Variants in PLCB1 observed in about 807,000 individuals in gnomAD.
PLCB1 encodes the protein 1-phosphatidylinositol 4,5-bisphosphate phosphodiesterase beta-1.
Under a neutral mutation model 161.8 loss-of-function variants are expected in PLCB1, and 46 were observed. That is an observed-to-expected ratio of 0.28 (90% CI 0.22 to 0.36). PLCB1 has a LOEUF of 0.36. PLCB1 is among the 10% of genes least tolerant of loss of function. The pLI is 1.00. For missense variants in PLCB1, 1,016 were observed against 1,472.5 expected (o/e 0.69, Z 5.07); for synonymous variants, 517 against 503.7 (o/e 1.03, Z -0.35).
intron 31 of PLCB1, among the ~76,000 whole-genome samples, chr20:8,826,464 C>T (rs1405007181): frequency 6.7e-6 from 1 of 150,032 alleles, no homozygotes; most frequent in African/African-American, 2.5e-5. Flanking sequence ...CCACTGCACT[C>T]CAGCCTGGGC....
At chr20:8,432,182 A>T (rs2017542239) in intron 3 of PLCB1, among the ~76,000 whole-genome samples, 1 of 152,114 alleles carries the variant, frequency 6.6e-6, no homozygotes, top group Non-Finnish European at 1.5e-5. Context: ...TTATTGGGTG[A>T]AAGAGGGAAA....
chr20:8,561,246 T>G (rs1486719751), intron 3 of PLCB1, among the ~76,000 whole-genome samples: 3 of 151,986 alleles, frequency 2.0e-5, no homozygotes, highest in Non-Finnish European at 4.4e-5. Flanking sequence ...CACTTTCTAG[T>G]CTAAAGGAAT....
intron 3 of PLCB1, among the ~76,000 whole-genome samples, chr20:8,445,298 T>G (rs1980770165): frequency 6.6e-6 from 1 of 152,226 alleles, no homozygotes; most frequent in Admixed American, 6.5e-5. Flanking sequence ...GTTTATTAAA[T>G]AGGGAATCTT....
chr20:8,507,294 A>G (rs906675835), intron 3 of PLCB1, among the ~76,000 whole-genome samples: 5 of 152,138 alleles, frequency 3.3e-5, no homozygotes, highest in African/African-American at 9.7e-5. Flanking sequence ...ATATAAGTTA[A>G]TCTTGCAACT....
intron 13 of PLCB1, among the ~76,000 whole-genome samples, chr20:8,717,430 T>C (rs1979380557): frequency 6.6e-6 from 1 of 152,168 alleles, no homozygotes; most frequent in Non-Finnish European, 1.5e-5. Flanking sequence ...AATCTACCAG[T>C]ACATTTCTAT....
At chr20:8,147,031 C>T (rs184992253) in intron 1 of PLCB1, among the ~76,000 whole-genome samples, 1 of 152,132 alleles carries the variant, frequency 6.6e-6, no homozygotes, top group Non-Finnish European at 1.5e-5. Flanking sequence ...GGTTTGCCTG[C>T]ATTCTAAGGT....
At position 8,883,956 on chromosome 20, in the gene PLCB1, AACT is replaced by A. The variant is rs1988086322; in HGVS notation, c.*2109_*2111del. 1 of 152,532 alleles carries A rather than the reference AACT, an allele frequency of 6.6e-6. No homozygotes were observed. Among genetic ancestry groups the A allele is most frequent in the Non-Finnish European group, 1.5e-5 (1 of 67,986 alleles). The allele number at this position is 152,532 out of a possible 1,614,324, so 9.4% of individuals were successfully genotyped here. A position where few individuals can be genotyped will look rare whatever the true frequency, so the allele number is the denominator to read the frequency against. On this transcript the variant is annotated 3_prime_UTR_variant, in exon 32 of 32. Transcript: ENST00000338037. ...GACTGTCTGAAATTGAAGAAGAATG[AACT>A]AATAATAGCATTCATAACCAAACAC... is the stretch of plus-strand genomic sequence containing the variant.
intron 2 of PLCB1, among the ~76,000 whole-genome samples, chr20:8,172,404 A>T (rs886252957): frequency 6.6e-6 from 1 of 152,146 alleles, no homozygotes; most frequent in African/African-American, 2.4e-5. Flanking sequence ...GAATTGGTAA[A>T]TGTGAAGGTA....
chr20:8,718,416 G>A (rs959539421), intron 14 of PLCB1, among the ~76,000 whole-genome samples: 87 of 152,272 alleles, frequency 5.7e-4, no homozygotes, highest in African/African-American at 1.9e-3. Context: ...GGTGTCAGCC[G>A]GGCTGTGTTC....
intron 2 of PLCB1, among the ~76,000 whole-genome samples, chr20:8,274,252 A>T (rs966936612): frequency 2.6e-5 from 4 of 152,194 alleles, no homozygotes; most frequent in African/African-American, 9.6e-5. Context: ...ACCCAGAAAC[A>T]ACCATTATTT....
At chr20:8,781,017 T>C (rs1276374516) in intron 27 of PLCB1, among the ~76,000 whole-genome samples, 1 of 152,238 alleles carries the variant, frequency 6.6e-6, no homozygotes, top group East Asian at 1.9e-4. Flanking sequence ...TGCTACAGCT[T>C]GAGGGAACTC....
At chr20:8,605,639 G>A (rs1987735994) in intron 3 of PLCB1, among the ~76,000 whole-genome samples, 2 of 139,386 alleles carry the variant, frequency 1.4e-5, no homozygotes, top group Admixed American at 7.3e-5. Context: ...AAAGAAAAAA[G>A]CTCTCATTCT....
At chr20:8,786,469 G>A (rs1317368749) in intron 27 of PLCB1, among the ~76,000 whole-genome samples, 1 of 152,116 alleles carries the variant, frequency 6.6e-6, no homozygotes, top group East Asian at 1.9e-4. Context: ...CAAATTTCAT[G>A]ATAATTTTAA....
At position 8,797,159 on chromosome 20, in the gene PLCB1, C is replaced by A. The variant is rs538870299; in HGVS notation, c.3423+6898C>A. On this transcript the variant is annotated intron_variant, in intron 31 of 31. Transcript: ENST00000338037. ...AAGATAAACTTCCACCACCCTCTAG[C>A]ATCTATTGCTGTTCTTGAGAGGTTA... Among the ~76,000 whole-genome samples, 1,489 of 152,236 alleles carry A rather than the reference C, an allele frequency of 9.8e-3. 32 individuals carry two copies. Among genetic ancestry groups the A allele is most frequent in the African/African-American group, 0.034 (1,419 of 41,536 alleles).
At chr20:8,240,861 C>T (rs758703530) in intron 2 of PLCB1, among the ~76,000 whole-genome samples, 1 of 151,858 alleles carries the variant, frequency 6.6e-6, no homozygotes, top group African/African-American at 2.4e-5. Flanking sequence ...ATTAAACTAG[C>T]CCCATGAAAT....
At chr20:8,791,374 T>C (rs1456918080) in intron 31 of PLCB1, among the ~76,000 whole-genome samples, 1 of 152,186 alleles carries the variant, frequency 6.6e-6, no homozygotes, top group African/African-American at 2.4e-5. Flanking sequence ...GAAATTGCTA[T>C]ACTTTCCAAT....
At chr20:8,731,716 A>G (rs1286485627) in intron 18 of PLCB1, among the ~76,000 whole-genome samples, 1 of 151,948 alleles carries the variant, frequency 6.6e-6, no homozygotes, top group African/African-American at 2.4e-5. Context: ...TTTGTTCCCA[A>G]AATAGGCTCT....
intron 15 of PLCB1, among the ~76,000 whole-genome samples, chr20:8,723,433 A>T (rs1377726463): frequency 1.3e-5 from 2 of 152,180 alleles, no homozygotes; most frequent in African/African-American, 4.8e-5. Context: ...ATCTCCATGC[A>T]TTCTCTCTTC....
chr20:8,750,989 G>A (rs1981439478), intron 23 of PLCB1: 1 of 534,774 alleles, frequency 1.9e-6, no homozygotes, highest in Admixed American at 3.1e-5. Flanking sequence ...AGGCTGGAGT[G>A]CAGAGGCGCG....
Sources: gnomAD v4.1 joint callset for allele counts (sites outside exome capture counted in the v4.1 genomes callset) on GRCh38, gnomAD v4.1.1 for gene constraint, MANE v1.5 for transcripts, NCBI Gene and HGNC (gene_info 2026-07-23, HGNC 2026-07-21) for gene names.